Variants in CCDC7 observed in about 807,000 individuals in gnomAD.
The protein encoded by CCDC7 is coiled-coil domain containing 7.
CCDC7 carries 183 observed loss-of-function variants against 196.9 expected under a neutral mutation model. The ratio of observed to expected loss-of-function variants is 0.93; its 90% CI spans 0.82 to 1.05. The LOEUF (loss-of-function observed/expected upper bound fraction) is 1.05. CCDC7 is among the 50% of genes least tolerant of loss of function. The probability of loss-of-function intolerance (pLI) is 0.00; values close to 1 mark genes in which losing one functional copy is unlikely to be tolerated. For missense variants in CCDC7, 1,540 were observed against 1,482.2 expected (o/e 1.04, Z -0.64); for synonymous variants, 525 against 484.6 (o/e 1.08, Z -1.10).
At chr10:32,705,919 A>G (rs1426539750) in intron 24 of CCDC7, among the ~76,000 whole-genome samples, 3 of 152,068 alleles carry the variant, frequency 2.0e-5, no homozygotes, top group African/African-American at 4.8e-5. Context: ...ACGAGACAGA[A>G]AGTTAACAAG....
intron 9 of CCDC7, chr10:32,512,975 TAA>T (rs2046449047): frequency 6.6e-6 from 1 of 151,918 alleles, no homozygotes; most frequent in African/African-American, 2.4e-5. Flanking sequence ...CATGCTAATA[TAA>T]TAGAAATTTC....
intron 41 of CCDC7, among the ~76,000 whole-genome samples, chr10:32,873,370 T>C (rs951319880): frequency 1.3e-5 from 2 of 152,092 alleles, no homozygotes; most frequent in African/African-American, 4.8e-5. Context: ...TCTCGTGCCA[T>C]GGTTTTCAGC....
At chr10:32,678,821 A>C (rs1565105479) in intron 21 of CCDC7, among the ~76,000 whole-genome samples, 1 of 151,988 alleles carries the variant, frequency 6.6e-6, no homozygotes, top group Non-Finnish European at 1.5e-5. Flanking sequence ...CTTTAATTGC[A>C]CTTTTGCCTT....
intron 11 of CCDC7, among the ~76,000 whole-genome samples, chr10:32,523,837 T>C (rs1478585266): frequency 6.6e-6 from 1 of 152,152 alleles, no homozygotes; most frequent in Non-Finnish European, 1.5e-5. Flanking sequence ...AATATCTTTT[T>C]CCATTCCTAT....
At chr10:32,691,175 A>C (rs1173294715) in intron 23 of CCDC7, among the ~76,000 whole-genome samples, 1 of 152,200 alleles carries the variant, frequency 6.6e-6, no homozygotes, top group East Asian at 1.9e-4. Context: ...TTTGAGCAAA[A>C]GTAGTGGAGG....
intron 31 of CCDC7, among the ~76,000 whole-genome samples, chr10:32,821,216 C>G (rs2090121227): frequency 6.6e-6 from 1 of 152,232 alleles, no homozygotes; most frequent in Non-Finnish European, 1.5e-5. Context: ...AAAAAATGCT[C>G]ACCATCACTG....
intron 28 of CCDC7, among the ~76,000 whole-genome samples, chr10:32,739,770 A>G (rs921354212): frequency 6.6e-6 from 1 of 151,830 alleles, no homozygotes; most frequent in Non-Finnish European, 1.5e-5. Flanking sequence ...TAATATGGTT[A>G]CCTAGCTAGC....
chr10:32,800,613 C>G (rs1410151152), intron 29 of CCDC7, among the ~76,000 whole-genome samples: 2 of 152,186 alleles, frequency 1.3e-5, no homozygotes, highest in Non-Finnish European at 2.9e-5. Context: ...ATTTCCCTTT[C>G]CCCTATGCAC....
chr10:32,708,826 T>C (rs901582173), intron 24 of CCDC7, among the ~76,000 whole-genome samples: 14 of 152,076 alleles, frequency 9.2e-5, no homozygotes, highest in African/African-American at 3.4e-4. Context: ...AAACAACAGG[T>C]GCTGGAGAGG....
intron 3 of CCDC7, among the ~76,000 whole-genome samples, chr10:32,458,963 C>G (rs1386365154): frequency 1.3e-5 from 2 of 151,888 alleles, no homozygotes; most frequent in Non-Finnish European, 2.9e-5. Context: ...TCTTTAATTT[C>G]TTTCATCAGT....
At chr10:32,697,507 G>A (rs572923791) in intron 24 of CCDC7, among the ~76,000 whole-genome samples, 5 of 152,296 alleles carry the variant, frequency 3.3e-5, no homozygotes, top group East Asian at 1.9e-4. Flanking sequence ...AGCAAAAGGC[G>A]CACCAGGAGA....
At chr10:32,545,304 C>A (rs1373861366) in intron 13 of CCDC7, among the ~76,000 whole-genome samples, 1 of 152,128 alleles carries the variant, frequency 6.6e-6, no homozygotes, top group African/African-American at 2.4e-5. Context: ...AATATCTAGA[C>A]CTTTGTAGAT....
intron 28 of CCDC7, among the ~76,000 whole-genome samples, chr10:32,759,251 TTC>T (rs2077010337): frequency 1.3e-5 from 2 of 152,072 alleles, no homozygotes; most frequent in Non-Finnish European, 2.9e-5. Flanking sequence ...TACTTTAAAG[TTC>T]ATATGGAACC....
chr10:32,689,309 T>TA (rs2076809609), intron 23 of CCDC7, 146 bp downstream of exon 24: 12 of 571,272 alleles, frequency 2.1e-5, no homozygotes, highest in Admixed American at 1.0e-4. Flanking sequence ...AAAATATTGA[T>TA]ACATTTTGGT....
upstream of CCDC7, among the ~76,000 whole-genome samples, chr10:32,445,483 T>C (rs945805268): frequency 9.2e-5 from 14 of 152,224 alleles, no homozygotes; most frequent in Non-Finnish European, 2.1e-4. Flanking sequence ...TCCTTTCATT[T>C]ACACACAGGC....
chr10:32,861,103 G>C (rs1215230349), intron 41 of CCDC7, among the ~76,000 whole-genome samples: 11 of 62,546 alleles, frequency 1.8e-4, no homozygotes, highest in African/African-American at 6.4e-4. Context: ...GCATAGCCAA[G>C]ACAATCATAA....
chr10:32,759,356 A>G (rs2077035580), intron 28 of CCDC7, among the ~76,000 whole-genome samples: 3 of 152,330 alleles, frequency 2.0e-5, no homozygotes, highest in Admixed American at 6.5e-5. Context: ...CTACAAGGCT[A>G]CAGTAACCAA....
At chr10:32,872,505 G>A (rs1181049708) in intron 41 of CCDC7, among the ~76,000 whole-genome samples, 1 of 152,002 alleles carries the variant, frequency 6.6e-6, no homozygotes, top group Non-Finnish European at 1.5e-5. Context: ...TTGCCAGTCT[G>A]TGTCTTTTAA....
chr10:32,877,197 A>G (rs1259486648), downstream of CCDC7: 3 of 152,118 alleles, frequency 2.0e-5, no homozygotes, highest in Admixed American at 6.6e-5. Flanking sequence ...TACATTTTAT[A>G]TAGTAATGAA....
Sources: gnomAD v4.1 joint callset for allele counts (sites outside exome capture counted in the v4.1 genomes callset) on GRCh38, gnomAD v4.1.1 for gene constraint, MANE v1.5 for transcripts, NCBI Gene and HGNC (gene_info 2026-07-23, HGNC 2026-07-21) for gene names.